Variants in DCC observed in about 807,000 individuals in gnomAD.
DCC encodes the protein netrin receptor DCC.
A neutral mutation model predicts 172.5 loss-of-function variants in DCC; 58 were observed. The ratio of observed to expected loss-of-function variants is 0.34; its 90% CI spans 0.27 to 0.42. DCC has a LOEUF of 0.42. DCC is among the 10% of genes least tolerant of loss of function. The probability of loss-of-function intolerance (pLI) is 1.00; values close to 1 mark genes in which losing one functional copy is unlikely to be tolerated. For missense variants in DCC, 1,740 were observed against 1,791.0 expected, an observed-to-expected ratio of 0.97 and a Z score of 0.51; for synonymous variants, 709 against 644.5, an observed-to-expected ratio of 1.10 and a Z score of -1.52.
At chr18:53,475,215 C>T (rs1203801136) in intron 25 of DCC, among the ~76,000 whole-genome samples, 2 of 152,168 alleles carry the variant, frequency 1.3e-5, no homozygotes, top group Non-Finnish European at 1.5e-5. Flanking sequence ...AATTTGCCCC[C>T]TGACAATACA....
rs4940180 is a variant in DCC, at chr18:52,396,652, T to A, written c.91+55774T>A. 9.4e-3 allele frequency among the ~76,000 whole-genome samples: 1,423 copies of A among 152,178 alleles called. 32 individuals carry two copies. The highest frequency in any genetic ancestry group is 0.053 in the East Asian group (275 of 5,148). The stretch of plus-strand genomic sequence containing the variant: ...ATTAACATTTAATCAACAGAGCAGG[T>A]TCCTTTTTATATCATTATAGAAAAG... On this transcript the variant is annotated intron_variant, in intron 1 of 28. Transcript: ENST00000442544.
chr18:53,196,269 C>T (rs1434691149), intron 9 of DCC, among the ~76,000 whole-genome samples: 8 of 152,150 alleles, frequency 5.3e-5, no homozygotes, highest in Non-Finnish European at 1.2e-4. Flanking sequence ...GAAATCAGCA[C>T]TTGAAACAAT....
At chr18:53,154,000 G>T (rs185183354) in intron 7 of DCC, among the ~76,000 whole-genome samples, 1 of 152,186 alleles carries the variant, frequency 6.6e-6, no homozygotes, top group Non-Finnish European at 1.5e-5. Context: ...GCTACTGAAC[G>T]TTGCTAACTG....
intron 24 of DCC, among the ~76,000 whole-genome samples, chr18:53,459,759 C>A (rs755398667): frequency 6.6e-6 from 1 of 152,158 alleles, no homozygotes; most frequent in African/African-American, 2.4e-5. Flanking sequence ...GGATTGACTG[C>A]TTTTTGTTAA....
chr18:52,882,885 A>G (rs1040825625), intron 2 of DCC, among the ~76,000 whole-genome samples: 1 of 152,000 alleles, frequency 6.6e-6, no homozygotes, highest in Non-Finnish European at 1.5e-5. Flanking sequence ...ATTGGTGTCT[A>G]TCTCTTCCTT....
At chr18:53,116,252 G>C (rs1479607160) in intron 7 of DCC, among the ~76,000 whole-genome samples, 1 of 151,728 alleles carries the variant, frequency 6.6e-6, no homozygotes, top group Non-Finnish European at 1.5e-5. Context: ...CCACAGTGTG[G>C]GAGCTAGCCC....
chr18:53,470,043 C>G (rs1428620986), intron 25 of DCC, among the ~76,000 whole-genome samples: 1 of 152,120 alleles, frequency 6.6e-6, no homozygotes, highest in East Asian at 1.9e-4. Context: ...TCCTCAGTAT[C>G]CTTCATTTAT....
At chr18:53,278,014 A>G (rs764555407) in intron 12 of DCC, among the ~76,000 whole-genome samples, 4 of 152,152 alleles carry the variant, frequency 2.6e-5, no homozygotes, top group Admixed American at 6.6e-5. Context: ...CACACAGATA[A>G]TTGGGATTGC....
intron 1 of DCC, among the ~76,000 whole-genome samples, chr18:52,421,442 T>G (rs1987245058): frequency 6.6e-6 from 1 of 152,128 alleles, no homozygotes; most frequent in South Asian, 2.1e-4. Context: ...TATTCAAATG[T>G]GAGAACAGCA....
At chr18:53,180,750 G>A (rs761627800) in intron 9 of DCC, among the ~76,000 whole-genome samples, 2 of 151,884 alleles carry the variant, frequency 1.3e-5, no homozygotes, top group Non-Finnish European at 2.9e-5. Flanking sequence ...TGCAACCTCC[G>A]CCTCCAAGGT....
At chr18:52,702,495 C>T (rs1356049943) in intron 1 of DCC, among the ~76,000 whole-genome samples, 2 of 152,134 alleles carry the variant, frequency 1.3e-5, no homozygotes, top group Non-Finnish European at 2.9e-5. Flanking sequence ...CCTATTTATG[C>T]CTTTTTCTTG....
At chr18:53,053,103 A>G (rs976339197) in intron 5 of DCC, among the ~76,000 whole-genome samples, 1 of 152,148 alleles carries the variant, frequency 6.6e-6, no homozygotes, top group Non-Finnish European at 1.5e-5. Context: ...AGATCGAACC[A>G]CTGCACTCCA....
At chr18:52,400,997 A>G (rs1986416447) in intron 1 of DCC, among the ~76,000 whole-genome samples, 1 of 152,074 alleles carries the variant, frequency 6.6e-6, no homozygotes, top group African/African-American at 2.4e-5. Flanking sequence ...AATGTAGATG[A>G]TGAGTTGATG....
chr18:52,368,571 A>C (rs1166307947), intron 1 of DCC, among the ~76,000 whole-genome samples: 1 of 152,180 alleles, frequency 6.6e-6, no homozygotes, highest in Non-Finnish European at 1.5e-5. Context: ...TACATTATCA[A>C]GTCAGAGTTG....
chr18:53,238,795 G>T (rs2056242872), intron 12 of DCC, among the ~76,000 whole-genome samples: 1 of 152,104 alleles, frequency 6.6e-6, no homozygotes, highest in Admixed American at 6.6e-5. Flanking sequence ...GAACCTCATT[G>T]TATGGGTAAA....
rs369309320 is a variant in DCC, at chr18:53,513,314, G to C, written c.4112-13303G>C. ...CCCTAAAAGAACTCCTGAAGGAAGC[G>C]CTAAACATGGAAAGGAACAACCGGT... On this transcript the variant is annotated intron_variant, in intron 27 of 28. Transcript: ENST00000442544. Among the ~76,000 whole-genome samples, 4 of 152,230 alleles carry C rather than the reference G, an allele frequency of 2.6e-5. No individual in the cohort carries two copies. The South Asian group carries it at 6.2e-4, about 24-fold the overall frequency.
At chr18:53,395,357 T>G (rs1271611387) in intron 17 of DCC, among the ~76,000 whole-genome samples, 1 of 152,176 alleles carries the variant, frequency 6.6e-6, no homozygotes, top group African/African-American at 2.4e-5. Context: ...CGATCTTACT[T>G]GTTGGCCTCT....
At chr18:53,426,674 A>T (rs1457279940) in intron 21 of DCC, among the ~76,000 whole-genome samples, 2 of 151,604 alleles carry the variant, frequency 1.3e-5, no homozygotes, top group Non-Finnish European at 2.9e-5. Flanking sequence ...TTTGGAAATT[A>T]CCATATGGTT....
At chr18:53,413,059 T>C (rs1165942199) in intron 20 of DCC, among the ~76,000 whole-genome samples, 5 of 152,198 alleles carry the variant, frequency 3.3e-5, no homozygotes, top group African/African-American at 9.6e-5. Context: ...GACTTATGTC[T>C]ATCTCTGCCC....
Sources: gnomAD v4.1 joint callset for allele counts (sites outside exome capture counted in the v4.1 genomes callset) on GRCh38, gnomAD v4.1.1 for gene constraint, MANE v1.5 for transcripts, NCBI Gene and HGNC (gene_info 2026-07-23, HGNC 2026-07-21) for gene names.